The following SLC8A1 variants were observed in gnomAD, a reference collection of about 807,000 sequenced individuals.
SLC8A1 encodes the protein sodium/calcium exchanger 1.
A neutral mutation model predicts 68.3 loss-of-function variants in SLC8A1; 18 were observed. The ratio of observed to expected loss-of-function variants is 0.26; its 90% CI spans 0.18 to 0.39. The LOEUF (loss-of-function observed/expected upper bound fraction) is 0.39. Among genes scored for constraint, SLC8A1 ranks in the 10% least tolerant of loss-of-function variants. The probability of loss-of-function intolerance (pLI) is 1.00; values close to 1 mark genes in which losing one functional copy is unlikely to be tolerated. For synonymous variants in SLC8A1, 475 were observed against 415.5 expected, an observed-to-expected ratio of 1.14 and a Z score of -1.74; for missense variants, 985 against 1,156.7, an observed-to-expected ratio of 0.85 and a Z score of 2.15.
chr2:40,201,742 G>T (rs543307848), intron 2 of SLC8A1, among the ~76,000 whole-genome samples: 1 of 152,046 alleles, frequency 6.6e-6, no homozygotes, highest in Non-Finnish European at 1.5e-5. Context: ...CCCTGAAGAA[G>T]ACTTCTTGTT....
chr2:40,413,835 T>C (rs1446456944), intron 2 of SLC8A1, among the ~76,000 whole-genome samples: 2 of 152,140 alleles, frequency 1.3e-5, no homozygotes, highest in Non-Finnish European at 2.9e-5. Context: ...CATAAATACA[T>C]AGAAAAAGAA....
chr2:40,343,923 C>A (rs895124415), intron 2 of SLC8A1, among the ~76,000 whole-genome samples: 4 of 152,078 alleles, frequency 2.6e-5, no homozygotes, highest in South Asian at 2.1e-4. Flanking sequence ...ATGTACAAAT[C>A]CATTCAATAA....
At chr2:40,509,112 T>C (rs1706543572) in intron 1 of SLC8A1, among the ~76,000 whole-genome samples, 2 of 152,232 alleles carry the variant, frequency 1.3e-5, no homozygotes, top group African/African-American at 4.8e-5. Context: ...TTGAAAATTC[T>C]CTGGCATACA....
At chr2:40,475,694 A>AT (rs888008727) in intron 1 of SLC8A1, among the ~76,000 whole-genome samples, 9 of 152,072 alleles carry the variant, frequency 5.9e-5, no homozygotes, top group African/African-American at 1.9e-4. Context: ...ATAAATACAT[A>AT]TTTTTTACAA....
At chr2:40,378,965 G>T (rs1680833253) in intron 2 of SLC8A1, among the ~76,000 whole-genome samples, 1 of 151,984 alleles carries the variant, frequency 6.6e-6, no homozygotes, top group African/African-American at 2.4e-5. Context: ...ACTTTACAAT[G>T]CACTATTTAT....
At chr2:40,395,132 T>G (rs77971345) in intron 2 of SLC8A1, among the ~76,000 whole-genome samples, 3,169 of 152,254 alleles carry the variant, frequency 0.021, 103 homozygotes, top group African/African-American at 0.071. Flanking sequence ...TACTTACTTC[T>G]GAGGGTAGGG....
chr2:40,262,197 G>A (rs980917205), intron 2 of SLC8A1, among the ~76,000 whole-genome samples: 1 of 152,166 alleles, frequency 6.6e-6, no homozygotes, highest in African/African-American at 2.4e-5. Flanking sequence ...TCCTGACCTT[G>A]TGATCCGCCC....
At chr2:40,438,378 A>G (rs985309087) in intron 1 of SLC8A1, among the ~76,000 whole-genome samples, 9 of 152,184 alleles carry the variant, frequency 5.9e-5, no homozygotes, top group Non-Finnish European at 1.2e-4. Context: ...AATCTTAAAA[A>G]TCTGTATATA....
At chr2:40,432,608 T>C (rs1304658492) in intron 1 of SLC8A1, among the ~76,000 whole-genome samples, 1 of 151,562 alleles carries the variant, frequency 6.6e-6, no homozygotes, top group East Asian at 1.9e-4. Flanking sequence ...CTTGGCACAG[T>C]CTAAAAACAC....
At chr2:40,186,589 G>A (rs1382508867) in intron 2 of SLC8A1, among the ~76,000 whole-genome samples, 4 of 151,970 alleles carry the variant, frequency 2.6e-5, no homozygotes, top group Non-Finnish European at 5.9e-5. Flanking sequence ...GAGATATTTT[G>A]GGCATGGATT....
At chr2:40,163,819 C>T (rs1326766068) in intron 5 of SLC8A1, among the ~76,000 whole-genome samples, 2 of 152,138 alleles carry the variant, frequency 1.3e-5, no homozygotes, top group East Asian at 3.8e-4. Context: ...TTGTTTTCCA[C>T]CTGTCTCCTA....
intron 4 of SLC8A1, among the ~76,000 whole-genome samples, chr2:40,172,446 T>C (rs973268530): frequency 1.3e-5 from 2 of 152,040 alleles, no homozygotes; most frequent in African/African-American, 2.4e-5. Context: ...ATGAACTAAC[T>C]ACATGAAATG....
intron 2 of SLC8A1, among the ~76,000 whole-genome samples, chr2:40,238,208 C>T (rs376180763): frequency 2.6e-5 from 4 of 151,988 alleles, no homozygotes; most frequent in Admixed American, 6.6e-5. Context: ...CCCAGCCTCG[C>T]TGCCGCCTTG....
intron 1 of SLC8A1, among the ~76,000 whole-genome samples, chr2:40,440,492 T>A (rs902980080): frequency 6.6e-6 from 1 of 152,140 alleles, no homozygotes; most frequent in South Asian, 2.1e-4. Context: ...TTAAAAAAAA[T>A]CAAACGTCTT....
At chr2:40,415,467 C>G (rs977266418) in intron 2 of SLC8A1, among the ~76,000 whole-genome samples, 2 of 151,552 alleles carry the variant, frequency 1.3e-5, no homozygotes, top group South Asian at 4.2e-4. Flanking sequence ...GTTTGACTAG[C>G]AAACCACTGG....
intron 2 of SLC8A1, among the ~76,000 whole-genome samples, chr2:40,327,417 G>C (rs1243184053): frequency 1.3e-5 from 2 of 152,144 alleles, no homozygotes; most frequent in African/African-American, 4.8e-5. Context: ...TGTGTCAAAG[G>C]AAATAACTGT....
At chr2:40,155,800 T>G (rs1393496477) in intron 6 of SLC8A1, among the ~76,000 whole-genome samples, 1 of 152,160 alleles carries the variant, frequency 6.6e-6, no homozygotes, top group African/African-American at 2.4e-5. Flanking sequence ...TGGGCTAAGG[T>G]GACATGCCCT....
chr2:40,334,166 G>C (rs1665182826), intron 2 of SLC8A1, among the ~76,000 whole-genome samples: 1 of 152,196 alleles, frequency 6.6e-6, no homozygotes, highest in South Asian at 2.1e-4. Flanking sequence ...AGGAGCCTTA[G>C]AGACTATCCA....
At chr2:40,169,222 A>G (rs2047050590) in intron 4 of SLC8A1, among the ~76,000 whole-genome samples, 1 of 152,218 alleles carries the variant, frequency 6.6e-6, no homozygotes, top group Non-Finnish European at 1.5e-5. Context: ...CTCAGGGGAC[A>G]CTGTTGAGAG....
Sources: allele counts gnomAD v4.1 joint callset (sites outside exome capture counted in the v4.1 genomes callset), GRCh38; gene constraint gnomAD v4.1.1; transcripts MANE v1.5; gene names NCBI Gene and HGNC (gene_info 2026-07-23, HGNC 2026-07-21).